The following SHROOM4 variants were observed in gnomAD, a reference collection of about 807,000 sequenced individuals.
SHROOM4 encodes shroom family member 4.
Under a neutral mutation model 80.3 loss-of-function variants are expected in SHROOM4, and 17 were observed. The ratio of observed to expected loss-of-function variants is 0.21; its 90% CI spans 0.14 to 0.32. The LOEUF (loss-of-function observed/expected upper bound fraction) is 0.32. SHROOM4 is among the 10% of genes least tolerant of loss of function. The pLI, the probability that SHROOM4 is intolerant of heterozygous loss-of-function variation, is 1.00. For synonymous variants in SHROOM4, 400 were observed against 437.5 expected (o/e 0.91, Z 1.07); for missense variants, 993 against 1,140.3 (o/e 0.87, Z 1.86).
At chrX:50,738,676 A>G (rs1232032913) in intron 1 of SHROOM4, among the ~76,000 whole-genome samples, 1 of 111,689 alleles carries the variant, frequency 9.0e-6, no homozygotes, top group Non-Finnish European at 1.9e-5. Context: ...AATGAAATAA[A>G]AGAGGACACA....
rs141880369 is a variant in SHROOM4, at chrX:50,592,243, A to G, written c.*4452T>C. On this transcript the variant is annotated 3_prime_UTR_variant, in exon 9 of 9. Coordinates refer to ENST00000376020, the MANE Select transcript of SHROOM4 (RefSeq NM_020717.5). Reference sequence around the variant, plus strand: ...ACAAGTCAGTACTTCCCATGCTGTAATATGTTCATGAATCTCCTGGAAATC... The same window carrying G: ...ACAAGTCAGTACTTCCCATGCTGTAGTATGTTCATGAATCTCCTGGAAATC... 5,294 of 317,384 alleles carry G rather than the reference A, an allele frequency of 0.017. 194 individuals are homozygous for G. Among genetic ancestry groups the G allele is most frequent in the African/African-American group, 0.11 (4,250 of 37,357 alleles). The allele number at this position is 317,384 out of a possible 1,213,427, so 26.2% of individuals were successfully genotyped here.
In SHROOM4 at chrX:50,813,130, A is replaced by C. The variant is rs1432908650; in HGVS notation, c.117+772T>G. Among the ~76,000 whole-genome samples the C allele has an allele frequency of 4.8e-4, 50 of 103,769 alleles. 1 individual carries two copies. Among genetic ancestry groups the C allele is most frequent in the Admixed American group, 2.1e-4 (2 of 9,500 alleles). The allele number at this position is 103,769 out of a possible 115,157, so 90.1% of individuals were successfully genotyped here. A position where few individuals can be genotyped will look rare whatever the true frequency, so the allele number is the denominator to read the frequency against. The stretch of plus-strand genomic sequence containing the variant: ...CAGATCACAGACTCCTAAAACAAAC[A>C]AACCCTGGCGGCGGCGGCGGCGGCG... On this transcript the variant is annotated intron_variant, in intron 1 of 8. Transcript: ENST00000376020.
At chrX:50,687,421 T>A (rs1557262344) in intron 2 of SHROOM4, among the ~76,000 whole-genome samples, 1 of 111,143 alleles carries the variant, frequency 9.0e-6, no homozygotes, top group Non-Finnish European at 1.9e-5. Context: ...CTCTGTTTTA[T>A]ATTATTATTT....
intron 1 of SHROOM4, among the ~76,000 whole-genome samples, chrX:50,717,321 G>C (rs1332452444): frequency 1.8e-5 from 2 of 111,770 alleles, no homozygotes; most frequent in Admixed American, 9.4e-5. Context: ...GGGTTCAAGC[G>C]ATTCTCCTAC....
At position 50,608,070 on chromosome X, in the gene SHROOM4, A is replaced by G. The variant is rs782086257; in HGVS notation, c.3072T>C (p.Leu1024=). 43 of 1,209,541 alleles carry G rather than the reference A, an allele frequency of 3.6e-5. No individual in the cohort carries two copies. In the South Asian group the frequency reaches 5.1e-4, roughly 14 times the overall value. Residue 1024 remains leucine (L), a synonymous_variant, in exon 6 of 9, where the codon CTT becomes CTC. Transcript: ENST00000376020. ...TTTTCAAAGCATGTTTGAAGTCTCC[A>G]AGGAGGTCAAGAGAAGAAATTGCTC... is the stretch of plus-strand genomic sequence containing the variant. ...SYRAISSLDL[L]GDFKHALKKS...
chrX:50,798,981 C>T (rs1557272355), intron 1 of SHROOM4, among the ~76,000 whole-genome samples: 1 of 111,868 alleles, frequency 8.9e-6, no homozygotes, highest in East Asian at 2.8e-4. Flanking sequence ...AACTCATTCT[C>T]AAATGATTTA....
chrX:50,722,463 A>G (rs904517033), intron 1 of SHROOM4, among the ~76,000 whole-genome samples: 4 of 111,090 alleles, frequency 3.6e-5, no homozygotes, highest in Non-Finnish European at 7.5e-5. Context: ...GCTAAACCCC[A>G]GCGCAGCCCT....
intron 1 of SHROOM4, among the ~76,000 whole-genome samples, chrX:50,724,754 T>G (rs1488718212): frequency 2.7e-5 from 3 of 112,763 alleles, no homozygotes; most frequent in Non-Finnish European, 5.6e-5. Flanking sequence ...GGGCGGGGGT[T>G]ACAGGCATGA....
At chrX:50,813,710 C>T (rs1936397295) in intron 1 of SHROOM4, among the ~76,000 whole-genome samples, 192 bp downstream of exon 1, 1 of 111,985 alleles carries the variant, frequency 8.9e-6, no homozygotes, top group African/African-American at 3.2e-5. Flanking sequence ...GCTCCCAGCT[C>T]GTGTTCCAGC....
At chrX:50,625,344 T>C (rs1460921966) in intron 5 of SHROOM4, among the ~76,000 whole-genome samples, 2 of 111,777 alleles carry the variant, frequency 1.8e-5, no homozygotes, top group Non-Finnish European at 1.9e-5. Context: ...CCACTAAAAA[T>C]TATGACTTGA....
At chrX:50,682,676 G>GCTAAGACA (rs1932968769) in intron 2 of SHROOM4, among the ~76,000 whole-genome samples, 1 of 111,794 alleles carries the variant, frequency 8.9e-6, no homozygotes, top group Middle Eastern at 4.2e-3. Context: ...CTTGAGTGTT[G>GCTAAGACA]AATAAGAGTT....
At chrX:50,576,357 G>C in the SHROOM4 span, among the ~76,000 whole-genome samples, 10 of 111,305 alleles carry the variant, frequency 9.0e-5, no homozygotes, top group Admixed American at 8.6e-4. Flanking sequence ...TTCTGTTGCT[G>C]GGTGAGGGGT....
intron 6 of SHROOM4, among the ~76,000 whole-genome samples, chrX:50,603,134 T>C (rs1297912234): frequency 9.0e-6 from 1 of 111,321 alleles, no homozygotes; most frequent in East Asian, 2.8e-4. Context: ...ATCATCCCTT[T>C]GGTGCATGAC....
At chrX:50,684,114 C>A (rs782508005) in intron 2 of SHROOM4, among the ~76,000 whole-genome samples, 5 of 111,952 alleles carry the variant, frequency 4.5e-5, no homozygotes, top group Admixed American at 9.4e-5. Flanking sequence ...CATGTTTACC[C>A]AGAACCTTTG....
downstream of SHROOM4, among the ~76,000 whole-genome samples, chrX:50,585,287 C>T (rs926820069): frequency 9.0e-6 from 1 of 111,583 alleles, no homozygotes; most frequent in African/African-American, 3.3e-5. Flanking sequence ...ATTAGTATAT[C>T]AACAGGATGT....
rs782716251 is a variant in SHROOM4, at chrX:50,633,667, C to T, written c.2406G>A (p.Gln802=). ...AGTTTTGGTCTATAGGTTTTGGTCT[C>T]TGGGTAAAAGTCTTGTTGCTATGAG... The part of the protein sequence containing the change: ...LTTHSNKTFT[Q]RPKPIDQNFQ... Residue 802 remains glutamine, a synonymous_variant, in exon 4 of 9, where the codon CAG becomes CAA. Transcript: ENST00000376020. 44 of 1,211,968 alleles carry T rather than the reference C, an allele frequency of 3.6e-5. 1 individual carries two copies. The South Asian group carries it at 7.2e-4, about 20-fold the overall frequency.
chrX:50,750,559 G>A (rs1439829222), intron 1 of SHROOM4, among the ~76,000 whole-genome samples: 1 of 112,124 alleles, frequency 8.9e-6, no homozygotes, highest in African/African-American at 3.2e-5. Context: ...ACTGTGCCTG[G>A]TCCCTTCCTA....
intron 4 of SHROOM4, among the ~76,000 whole-genome samples, chrX:50,631,593 C>A (rs1355026053): frequency 8.9e-6 from 1 of 112,018 alleles, no homozygotes; most frequent in Non-Finnish European, 1.9e-5. Flanking sequence ...TTGGAGATGG[C>A]ATGATTGTGT....
intron 3 of SHROOM4, among the ~76,000 whole-genome samples, chrX:50,636,730 C>T (rs1266202573): frequency 9.0e-6 from 1 of 111,533 alleles, no homozygotes; most frequent in African/African-American, 3.3e-5. Flanking sequence ...CTACACTTCA[C>T]AATGGAAGAA....
Sources: gnomAD v4.1 joint callset for allele counts (sites outside exome capture counted in the v4.1 genomes callset) on GRCh38, gnomAD v4.1.1 for gene constraint, MANE v1.5 for transcripts, NCBI Gene and HGNC (gene_info 2026-07-23, HGNC 2026-07-21) for gene names.